The following LRMDA variants were observed in gnomAD, a reference collection of about 807,000 sequenced individuals.
LRMDA encodes the protein leucine rich melanocyte differentiation associated.
LRMDA carries 18 observed loss-of-function variants against 29.8 expected under a neutral mutation model. That is an observed-to-expected ratio of 0.60 (90% CI 0.42 to 0.90). The LOEUF (loss-of-function observed/expected upper bound fraction) is 0.90, where lower values mean the gene tolerates loss of function less well. Ranked by LOEUF, LRMDA falls within the 40% of genes least tolerant of loss-of-function variation. The pLI is 0.00. For missense variants in LRMDA, 273 were observed against 273.9 expected, an observed-to-expected ratio of 1.00 and a Z score of 0.02; for synonymous variants, 125 against 109.4, an observed-to-expected ratio of 1.14 and a Z score of -0.89.
chr10:75,541,433 A>G (rs1012344726), intron 2 of LRMDA, among the ~76,000 whole-genome samples: 6 of 135,182 alleles, frequency 4.4e-5, no homozygotes, highest in Non-Finnish European at 6.2e-5. Flanking sequence ...AGCAGAGACT[A>G]TTTTTCCCAG....
chr10:75,955,884 A>G lies in LRMDA; in HGVS notation c.132-80124A>G, dbSNP rs1414542224. ...ATTTCAGAGAGAGGATAGATATCTGAAAATGGGAGTATGTCTTTATTTTTA... is the reference window on the plus strand; with the variant it reads ...ATTTCAGAGAGAGGATAGATATCTGGAAATGGGAGTATGTCTTTATTTTTA... On this transcript the variant is annotated intron_variant, in intron 2 of 6. Coordinates refer to ENST00000611255, the MANE Select transcript of LRMDA (RefSeq NM_001305581.2). Among the ~76,000 whole-genome samples the G allele has an allele frequency of 2.6e-5, 4 of 152,346 alleles. No individual in the cohort carries two copies. In the East Asian group the frequency reaches 7.7e-4, roughly 29 times the overall value.
chr10:75,669,503 T>C (rs1456557527), intron 2 of LRMDA, among the ~76,000 whole-genome samples: 2 of 152,244 alleles, frequency 1.3e-5, no homozygotes, highest in African/African-American at 4.8e-5. Context: ...ATGCCTGTTA[T>C]GTAAAGCCAA....
At chr10:76,045,916 T>C (rs1349876369) in intron 3 of LRMDA, among the ~76,000 whole-genome samples, 1 of 152,180 alleles carries the variant, frequency 6.6e-6, no homozygotes, top group African/African-American at 2.4e-5. Flanking sequence ...TATGAGGAAA[T>C]CTGTGTAACA....
chr10:75,434,697 C>T (rs190238742), intron 1 of LRMDA, among the ~76,000 whole-genome samples: 11 of 152,356 alleles, frequency 7.2e-5, no homozygotes, highest in Admixed American at 6.5e-4. Flanking sequence ...GGCAGTCTTC[C>T]TGCCTCAGCC....
chr10:75,766,921 G>T (rs1843176724), intron 2 of LRMDA, among the ~76,000 whole-genome samples: 1 of 152,124 alleles, frequency 6.6e-6, no homozygotes, highest in African/African-American at 2.4e-5. Flanking sequence ...GTGTTAGTTT[G>T]CTGAGGATGA....
intron 2 of LRMDA, among the ~76,000 whole-genome samples, chr10:75,960,035 C>T (rs1435078362): frequency 6.6e-6 from 1 of 152,174 alleles, no homozygotes; most frequent in Non-Finnish European, 1.5e-5. Context: ...TCCTTCTTTC[C>T]TACCCTCTGC....
At chr10:75,750,058 C>G (rs1425108209) in intron 2 of LRMDA, among the ~76,000 whole-genome samples, 1 of 152,232 alleles carries the variant, frequency 6.6e-6, no homozygotes, top group Non-Finnish European at 1.5e-5. Flanking sequence ...AATCTGATTT[C>G]TCTTTCTTTT....
intron 2 of LRMDA, among the ~76,000 whole-genome samples, chr10:75,580,455 A>T (rs1412735137): frequency 1.3e-5 from 2 of 152,220 alleles, no homozygotes; most frequent in African/African-American, 2.4e-5. Context: ...ATGCTCATGG[A>T]TAGGAAGAAT....
intron 1 of LRMDA, among the ~76,000 whole-genome samples, chr10:75,432,207 G>T (rs1218853478): frequency 1.3e-5 from 2 of 152,236 alleles, no homozygotes; most frequent in East Asian, 3.8e-4. Context: ...TTTGTAAATG[G>T]AGGAAGGGGT....
At chr10:75,922,618 A>G (rs979472912) in intron 2 of LRMDA, among the ~76,000 whole-genome samples, 2 of 152,046 alleles carry the variant, frequency 1.3e-5, no homozygotes, top group Admixed American at 6.6e-5. Flanking sequence ...TCCAACTTCC[A>G]CATATTACAC....
intron 2 of LRMDA, among the ~76,000 whole-genome samples, chr10:75,486,309 A>G (rs145403005): frequency 1.3e-5 from 2 of 152,330 alleles, no homozygotes; most frequent in East Asian, 3.9e-4. Context: ...ACACTATAGC[A>G]TTCAAAATCT....
At chr10:75,838,194 G>A (rs1000752396) in intron 2 of LRMDA, among the ~76,000 whole-genome samples, 9 of 152,102 alleles carry the variant, frequency 5.9e-5, no homozygotes, top group Admixed American at 3.3e-4. Flanking sequence ...ATATATGAGC[G>A]TGGCTTTATC....
chr10:76,054,058 G>T (rs1848571268), intron 4 of LRMDA, among the ~76,000 whole-genome samples: 2 of 152,184 alleles, frequency 1.3e-5, no homozygotes, highest in Admixed American at 1.3e-4. Flanking sequence ...CAGATCTTCT[G>T]CATTGCTTTT....
chr10:76,393,400 C>T (rs1168336073), intron 6 of LRMDA, among the ~76,000 whole-genome samples: 1 of 152,048 alleles, frequency 6.6e-6, no homozygotes, highest in Non-Finnish European at 1.5e-5. Context: ...TTTTAATTTG[C>T]ATTCCCTGAT....
chr10:75,444,100 T>C, intron 2 of LRMDA, among the ~76,000 whole-genome samples: 1 of 152,244 alleles, frequency 6.6e-6, no homozygotes, highest in Admixed American at 6.5e-5. Flanking sequence ...AGGGTAGTTA[T>C]GAACTTATAA....
intron 6 of LRMDA, among the ~76,000 whole-genome samples, chr10:76,522,165 G>C (rs1017438271): frequency 5.3e-5 from 8 of 152,004 alleles, no homozygotes; most frequent in Non-Finnish European, 1.2e-4. Context: ...AGTTTTTCTT[G>C]AATTTCAGAC....
chr10:75,445,013 C>T (rs1844374003), intron 2 of LRMDA, among the ~76,000 whole-genome samples: 1 of 152,232 alleles, frequency 6.6e-6, no homozygotes, highest in Non-Finnish European at 1.5e-5. Context: ...AACTCAACCT[C>T]AACCTCCCAG....
intron 6 of LRMDA, among the ~76,000 whole-genome samples, chr10:76,541,023 T>C (rs1268810296): frequency 2.0e-5 from 3 of 152,188 alleles, no homozygotes; most frequent in African/African-American, 4.8e-5. Flanking sequence ...TGGAGCAACA[T>C]GTTTGACCAT....
chr10:75,829,980 C>A lies in LRMDA; in HGVS notation c.132-206028C>A, dbSNP rs890883117. ...TCCCAAGTGTGCAGTGAAAGGGCTT[C>A]CCTCCTTCCACCTCCTCTCATCATA... On this transcript the variant is annotated intron_variant, in intron 2 of 6. Coordinates refer to ENST00000611255, the MANE Select transcript of LRMDA (RefSeq NM_001305581.2). Among the ~76,000 whole-genome samples the A allele has an allele frequency of 4.4e-4, 67 of 151,740 alleles. 2 individuals carry two copies. Among genetic ancestry groups the A allele is most frequent in the Admixed American group, 3.8e-3 (58 of 15,224 alleles).
Sources: gnomAD v4.1 joint callset for allele counts (sites outside exome capture counted in the v4.1 genomes callset) on GRCh38, gnomAD v4.1.1 for gene constraint, MANE v1.5 for transcripts, NCBI Gene and HGNC (gene_info 2026-07-23, HGNC 2026-07-21) for gene names.